The following SYT3 variants were observed in gnomAD, a reference collection of about 807,000 sequenced individuals.
SYT3 encodes the protein synaptotagmin 3, also known as synaptotagmin-3.
In SYT3, 25 loss-of-function variants were observed where a neutral mutation model predicts 50.6. That is an observed-to-expected ratio of 0.49 (90% CI 0.36 to 0.69). The LOEUF (loss-of-function observed/expected upper bound fraction) is 0.69. Among genes scored for constraint, SYT3 ranks in the 30% least tolerant of loss-of-function variants. The probability of loss-of-function intolerance (pLI) is 0.00; values close to 1 mark genes in which losing one functional copy is unlikely to be tolerated. For missense variants in SYT3, 589 were observed against 793.6 expected (o/e 0.74, Z 3.10); for synonymous variants, 323 against 353.9 (o/e 0.91, Z 0.98).
chr19:50,647,353 G>A, the SYT3 span, among the ~76,000 whole-genome samples: 1 of 151,950 alleles, frequency 6.6e-6, no homozygotes, highest in Non-Finnish European at 1.5e-5. Flanking sequence ...CCTCACTTGT[G>A]GGGAGAGGAA....
Position 50,630,255 on chromosome 19 carries a change from G to T in SYT3, c.675-84C>A. The T allele has an allele frequency of 2.9e-6, 4 of 1,360,544 alleles. No individual in the cohort carries two copies. In the South Asian group the frequency reaches 4.8e-5, roughly 16 times the overall value. The allele number at this position is 1,360,544 out of a possible 1,614,324, so 84.3% of individuals were successfully genotyped here. The stretch of plus-strand genomic sequence containing the variant: ...GCAGAGACCTGGGAGACTCCTCCCT[G>T]CCTTTCCCCCCATCCCCCAGCCAGG... On this transcript the variant is annotated intron_variant, in intron 4 of 10. Transcript: ENST00000600079.
chr19:50,626,185 C>G, intron 6 of SYT3, 168 bp from the exon 7 acceptor site: 1 of 1,025,002 alleles, frequency 9.8e-7, no homozygotes. Flanking sequence ...ATTCCCTGGC[C>G]ACAGCTGCCC....
chr19:50,626,432 G>A (rs1412356985), intron 6 of SYT3, among the ~76,000 whole-genome samples: 1 of 151,670 alleles, frequency 6.6e-6, no homozygotes, highest in African/African-American at 2.4e-5. Context: ...CCCAGAGAGA[G>A]GGAGACAGAG....
the SYT3 span, chr19:50,649,467 T>C: frequency 6.5e-6 from 10 of 1,536,040 alleles, no homozygotes; most frequent in African/African-American, 8.2e-5. Context: ...GTGGAGCCCG[T>C]GTGCTTCCCT....
chr19:50,632,838 G>A lies in SYT3; in HGVS notation c.149-27C>T, dbSNP rs760581907. ...TGGAGAGAACGAGGACAGAGGTAGG[G>A]GTCAGGATGGGGTCACAGTACATCC... is the stretch of plus-strand genomic sequence containing the variant. On this transcript the variant is annotated intron_variant, in intron 3 of 10. Coordinates refer to ENST00000600079, the MANE Select transcript of SYT3 (RefSeq NM_001160329.2). This position sits in a 1 kb window ranked among gnomAD's most constrained non-coding sequence, Gnocchi z 4.7. The A allele has an allele frequency of 1.4e-6, 2 of 1,478,352 alleles. No homozygotes were observed. Among genetic ancestry groups the A allele is most frequent in the African/African-American group, 1.4e-5 (1 of 71,422 alleles). 91.6% of individuals were successfully genotyped at this position (1,478,352 alleles called of 1,614,324 possible). A position where few individuals can be genotyped will look rare whatever the true frequency, so the allele number is the denominator to read the frequency against.
At chr19:50,656,045 C>T in the SYT3 span, 1 of 1,536,070 alleles carries the variant, frequency 6.5e-7, no homozygotes, top group East Asian at 2.4e-5. Context: ...GTTCTCTGTC[C>T]TCAGGAGCCC....
chr19:50,655,527 T>C, the SYT3 span, among the ~76,000 whole-genome samples: 1 of 151,954 alleles, frequency 6.6e-6, no homozygotes, highest in Non-Finnish European at 1.5e-5. Context: ...CGGGTGCCTG[T>C]AGTCTCAGCT....
upstream of SYT3, among the ~76,000 whole-genome samples, chr19:50,642,074 TC>T (rs1337821530): frequency 2.6e-5 from 4 of 152,154 alleles, no homozygotes; most frequent in Non-Finnish European, 5.9e-5. Context: ...CAGAAATGCC[TC>T]CCAGGTTTGC....
chr19:50,632,156 C>T lies in SYT3; in HGVS notation c.674+130G>A. The T allele has an allele frequency of 1.9e-6, 2 of 1,076,458 alleles. No individual in the cohort carries two copies. The highest frequency in any genetic ancestry group is 2.6e-6 in the Non-Finnish European group (2 of 764,164). The allele number at this position is 1,076,458 out of a possible 1,614,324, so 66.7% of individuals were successfully genotyped here. A position where few individuals can be genotyped will look rare whatever the true frequency, so the allele number is the denominator to read the frequency against. On this transcript the variant is annotated intron_variant, in intron 4 of 10. Transcript: ENST00000600079. The surrounding 1 kb of genome is among the most constrained non-coding windows in gnomAD (Gnocchi z 4.7). ...AGTCTAGGGCCCCAGCCTCCTCTTT[C>T]CCTAAGATCCAGGAGTCAATACCCC...
Position 50,625,180 on chromosome 19 carries a change from G to T in SYT3, c.1689C>A (p.His563Gln). 1 of 1,601,104 alleles carries T rather than the reference G, an allele frequency of 6.2e-7. No individual in the cohort carries two copies. The change falls in exon 9 of 11, where the codon CAC becomes CAA. Residue 563 changes from histidine (H) to glutamine (Q), a missense_variant. Physicochemically the swap from His to Gln is conservative, Grantham distance 24. Coordinates refer to ENST00000600079, the MANE Select transcript of SYT3 (RefSeq NM_001160329.2). This position sits in a 1 kb window ranked among gnomAD's most constrained non-coding sequence, Gnocchi z 7.5. ...MLANPRKPVE[H>Q]WHQLVEEKTV... The stretch of plus-strand genomic sequence containing the variant: ...TACTCACCTCCACTAGCTGATGCCA[G>T]TGCTCCACGGGCTTGCGGGGATTGG...
At chr19:50,658,052 A>G in the SYT3 span, 48 of 1,535,966 alleles carry the variant, frequency 3.1e-5, no homozygotes, top group African/African-American at 5.2e-4. Flanking sequence ...ACCAGGGGCC[A>G]TGGAGAGCGG....
At chr19:50,627,564 T>C (rs1285541093) in intron 6 of SYT3, among the ~76,000 whole-genome samples, 1 of 151,770 alleles carries the variant, frequency 6.6e-6, no homozygotes, top group Non-Finnish European at 1.5e-5. Context: ...CTACTAAAAA[T>C]ACAAAAATTA....
At position 50,625,436 on chromosome 19, in the gene SYT3, C is replaced by A. The variant is rs754271371; in HGVS notation, c.1531G>T (p.Val511Leu). The change falls in exon 8 of 11, where the codon GTG (valine) becomes TTG (leucine). Residue 511 changes from valine to leucine, a missense_variant. Val to Leu is a conservative substitution (Grantham distance 32). Transcript: ENST00000600079. The surrounding 1 kb of genome is among the most constrained non-coding windows in gnomAD (Gnocchi z 7.5). ...ALVFDVAPES[V>L]ENVGLSIAVV... ...GCGATGCTGAGCCCCACGTTCTCCA[C>A]GCTCTCGGGGGCCACGTCGAACACC... is the stretch of plus-strand genomic sequence containing the variant. 2 of 1,570,804 alleles carry A rather than the reference C, an allele frequency of 1.3e-6. No homozygotes were observed.
At chr19:50,648,698 CT>C in the SYT3 span, among the ~76,000 whole-genome samples, 1 of 152,194 alleles carries the variant, frequency 6.6e-6, no homozygotes, top group African/African-American at 2.4e-5. Flanking sequence ...ACCCCTCCCC[CT>C]CCCTCTGGAG....
chr19:50,636,007 C>T (rs1447558881), intron 3 of SYT3, among the ~76,000 whole-genome samples: 2 of 152,094 alleles, frequency 1.3e-5, no homozygotes, highest in Admixed American at 1.3e-4. Context: ...AATCCCAGCA[C>T]TTTGGGAGGC....
At chr19:50,651,639 G>A in the SYT3 span, among the ~76,000 whole-genome samples, 2 of 151,648 alleles carry the variant, frequency 1.3e-5, no homozygotes, top group Non-Finnish European at 2.9e-5. Context: ...GGAGTTCCTG[G>A]CTGCAGTGAG....
At chr19:50,650,057 C>T in the SYT3 span, among the ~76,000 whole-genome samples, 6 of 152,300 alleles carry the variant, frequency 3.9e-5, no homozygotes, top group South Asian at 1.0e-3. Flanking sequence ...CTCTCCTCAC[C>T]TCCTCCCTGG....
chr19:50,655,277 G>C, the SYT3 span, among the ~76,000 whole-genome samples: 2 of 152,012 alleles, frequency 1.3e-5, no homozygotes, highest in Non-Finnish European at 2.9e-5. Flanking sequence ...CTGATGGTGG[G>C]GTGGTCAAAA....
Position 50,625,792 on chromosome 19 carries a change from A to G in SYT3, c.1402+105T>C, listed in dbSNP as rs1984033699. 1 of 593,278 alleles carries G rather than the reference A, an allele frequency of 1.7e-6. No homozygotes were observed. The highest frequency in any genetic ancestry group is 2.2e-5 in the African/African-American group (1 of 45,842). The allele number at this position is 593,278 out of a possible 1,614,324, so 36.8% of individuals were successfully genotyped here. A position where few individuals can be genotyped will look rare whatever the true frequency, so the allele number is the denominator to read the frequency against. On this transcript the variant is annotated intron_variant, in intron 7 of 10. Coordinates refer to ENST00000600079, the MANE Select transcript of SYT3 (RefSeq NM_001160329.2). The surrounding 1 kb of genome is among the most constrained non-coding windows in gnomAD (Gnocchi z 7.5). ...CTCAGACCCAGGAGTCCAGATCCCC[A>G]GCTCCTCCTCCCTCAGACCCAGGAG...
Sources: gnomAD v4.1 joint callset for allele counts (sites outside exome capture counted in the v4.1 genomes callset) on GRCh38, gnomAD v4.1.1 for gene constraint, Gnocchi (gnomAD v3.1) non-coding constraint, MANE v1.5 for transcripts, NCBI Gene and HGNC (gene_info 2026-07-23, HGNC 2026-07-21) for gene names.